Variants in PTPRM observed in about 807,000 individuals in gnomAD.
PTPRM encodes protein tyrosine phosphatase receptor type M, also known as receptor-type tyrosine-protein phosphatase mu.
Under a neutral mutation model 186.7 loss-of-function variants are expected in PTPRM, and 47 were observed. The ratio of observed to expected loss-of-function variants is 0.25; its 90% CI spans 0.20 to 0.32. The LOEUF is 0.32. Among genes scored for constraint, PTPRM ranks in the 10% least tolerant of loss-of-function variants. The pLI is 1.00. For missense variants in PTPRM, 1,494 were observed against 1,865.0 expected (o/e 0.80, Z 3.66); for synonymous variants, 668 against 674.9 (o/e 0.99, Z 0.16).
At chr18:8,077,923 A>C (rs1285862733) in intron 9 of PTPRM, among the ~76,000 whole-genome samples, 1 of 152,206 alleles carries the variant, frequency 6.6e-6, no homozygotes, top group Non-Finnish European at 1.5e-5. Flanking sequence ...ATAATAATTC[A>C]AAGGAAAAAC....
At chr18:7,788,678 A>C (rs1003723569) in intron 2 of PTPRM, among the ~76,000 whole-genome samples, 2 of 152,230 alleles carry the variant, frequency 1.3e-5, no homozygotes, top group Non-Finnish European at 1.5e-5. Context: ...TTTCATGTGC[A>C]TGGATAGCAA....
chr18:7,883,571 A>G (rs759709913), intron 2 of PTPRM, among the ~76,000 whole-genome samples: 1 of 152,236 alleles, frequency 6.6e-6, no homozygotes, highest in Non-Finnish European at 1.5e-5. Context: ...TCATTGGCAC[A>G]TAATAGTACA....
At chr18:8,358,711 C>T (rs1307367755) in intron 23 of PTPRM, among the ~76,000 whole-genome samples, 3 of 152,212 alleles carry the variant, frequency 2.0e-5, no homozygotes, top group African/African-American at 7.2e-5. Context: ...GAACAAAACA[C>T]CTTCAGCTGC....
intron 1 of PTPRM, among the ~76,000 whole-genome samples, chr18:7,715,745 T>C (rs1283308380): frequency 2.0e-5 from 3 of 152,094 alleles, no homozygotes; most frequent in Non-Finnish European, 2.9e-5. Context: ...CATGAGTGAA[T>C]TTACATTCAC....
chr18:8,396,643 A>T (rs1218349712), intron 32 of PTPRM, among the ~76,000 whole-genome samples: 1 of 152,188 alleles, frequency 6.6e-6, no homozygotes, highest in African/African-American at 2.4e-5. Context: ...TTTTTGTATT[A>T]TGTGTGATCC....
chr18:7,990,920 T>C (rs1160233782), intron 7 of PTPRM, among the ~76,000 whole-genome samples: 3 of 152,154 alleles, frequency 2.0e-5, no homozygotes, highest in Non-Finnish European at 2.9e-5. Flanking sequence ...GTTTCTTACA[T>C]GAATGATTGC....
chr18:7,778,079 G>A (rs923201545), intron 2 of PTPRM, among the ~76,000 whole-genome samples: 11 of 152,154 alleles, frequency 7.2e-5, no homozygotes, highest in African/African-American at 2.7e-4. Context: ...TACTTTTTCT[G>A]TGTCTTTTTA....
intron 2 of PTPRM, among the ~76,000 whole-genome samples, chr18:7,880,475 A>C (rs2048450797): frequency 6.6e-6 from 1 of 152,160 alleles, no homozygotes; most frequent in African/African-American, 2.4e-5. Context: ...CTTATTCCCT[A>C]GTGGCTGAGA....
chr18:8,009,260 G>C (rs943350148), intron 7 of PTPRM, among the ~76,000 whole-genome samples: 1 of 152,096 alleles, frequency 6.6e-6, no homozygotes, highest in Non-Finnish European at 1.5e-5. Context: ...TGAAGGATGT[G>C]GCTAAAAGAT....
At chr18:8,205,740 A>C (rs79661993) in intron 14 of PTPRM, among the ~76,000 whole-genome samples, 8,896 of 152,242 alleles carry the variant, frequency 0.058, 305 homozygotes, top group Middle Eastern at 0.071. Context: ...ATAGTGTCAG[A>C]TTGTACTATG....
chr18:8,156,287 T>C (rs764275853), intron 14 of PTPRM, among the ~76,000 whole-genome samples: 2 of 152,128 alleles, frequency 1.3e-5, no homozygotes, highest in Non-Finnish European at 2.9e-5. Context: ...GTGGGGAACA[T>C]AGCTACCAAT....
At chr18:7,617,607 GA>G (rs2037837232) in intron 1 of PTPRM, among the ~76,000 whole-genome samples, 1 of 152,028 alleles carries the variant, frequency 6.6e-6, no homozygotes, top group Admixed American at 6.6e-5. Flanking sequence ...TTGCTTAATT[GA>G]AAAAATATAA....
Position 8,406,266 on chromosome 18 carries a change from C to A in PTPRM, c.*104C>A. 1 of 1,156,978 alleles carries A rather than the reference C, an allele frequency of 8.6e-7. No homozygotes were observed. 71.7% of individuals were successfully genotyped at this position (1,156,978 alleles called of 1,614,324 possible). On this transcript the variant is annotated 3_prime_UTR_variant, in exon 33 of 33. Transcript: ENST00000580170. ...AAGACTTCTCAATATGCTTATTTTG[C>A]TTTGCATAATTGGCTCTTTTTAAGA...
intron 7 of PTPRM, among the ~76,000 whole-genome samples, chr18:8,069,047 T>C (rs566784429): frequency 7.2e-6 from 1 of 139,130 alleles, no homozygotes; most frequent in Non-Finnish European, 1.5e-5. Flanking sequence ...GAGGTGGAGC[T>C]TGCAGTGAGC....
At chr18:7,775,224 C>G (rs137977810) in intron 2 of PTPRM, among the ~76,000 whole-genome samples, 6 of 152,124 alleles carry the variant, frequency 3.9e-5, no homozygotes, top group Admixed American at 2.0e-4. Context: ...CTACATTTAA[C>G]TACTTATAAC....
chr18:8,273,473 T>C (rs543686088), intron 19 of PTPRM, among the ~76,000 whole-genome samples: 1 of 152,322 alleles, frequency 6.6e-6, no homozygotes, highest in East Asian at 1.9e-4. Context: ...TCTCCTTTGC[T>C]ACTGCCCTGG....
intron 2 of PTPRM, among the ~76,000 whole-genome samples, chr18:7,846,194 A>T (rs1354660681): frequency 6.6e-6 from 1 of 152,178 alleles, no homozygotes; most frequent in Non-Finnish European, 1.5e-5. Flanking sequence ...TGTACATCAG[A>T]GTGTCCACTC....
chr18:8,274,228 T>C (rs1315441335), intron 19 of PTPRM, among the ~76,000 whole-genome samples: 2 of 152,180 alleles, frequency 1.3e-5, no homozygotes. Context: ...GGCACAGAGC[T>C]CATTAATGTT....
chr18:7,681,615 G>A (rs2039483106), intron 1 of PTPRM, among the ~76,000 whole-genome samples: 1 of 150,478 alleles, frequency 6.6e-6, no homozygotes, highest in African/African-American at 2.4e-5. Context: ...CCTTATTTTT[G>A]TTTGGAAATG....
Sources: allele counts gnomAD v4.1 joint callset (sites outside exome capture counted in the v4.1 genomes callset), GRCh38; gene constraint gnomAD v4.1.1; transcripts MANE v1.5; gene names NCBI Gene and HGNC (gene_info 2026-07-23, HGNC 2026-07-21).